LAPTM4B: variants seen among roughly 807,000 people sequenced by gnomAD.
The protein encoded by LAPTM4B is lysosomal-associated transmembrane protein 4B.
LAPTM4B carries 26 observed loss-of-function variants against 28.5 expected under a neutral mutation model. That is an observed-to-expected ratio of 0.91 (90% CI 0.67 to 1.27). The LOEUF is 1.27. Among genes scored for constraint, LAPTM4B ranks in the 50% most tolerant of loss-of-function variants. LAPTM4B has a pLI of 0.00. For synonymous variants in LAPTM4B, 109 were observed against 106.4 expected (o/e 1.02, Z -0.15); for missense variants, 288 against 285.8 (o/e 1.01, Z -0.06).
At chr8:97,783,004 C>G (rs1276353782) in intron 1 of LAPTM4B, among the ~76,000 whole-genome samples, 2 of 149,376 alleles carry the variant, frequency 1.3e-5, no homozygotes, top group African/African-American at 4.9e-5. Context: ...AACTCCCGAC[C>G]TCAGGTGATC....
At chr8:97,838,594 C>T (rs1341024995) in intron 6 of LAPTM4B, among the ~76,000 whole-genome samples, 1 of 152,196 alleles carries the variant, frequency 6.6e-6, no homozygotes, top group African/African-American at 2.4e-5. Context: ...GGACTACAAC[C>T]TGATCAGCCT....
At chr8:97,794,005 A>C (rs1816544514) in intron 1 of LAPTM4B, among the ~76,000 whole-genome samples, 1 of 151,908 alleles carries the variant, frequency 6.6e-6, no homozygotes, top group Non-Finnish European at 1.5e-5. Flanking sequence ...TTTTTGACAG[A>C]ATCTTGCTCT....
intron 5 of LAPTM4B, 123 bp downstream of exon 5, chr8:97,819,361 C>A: frequency 1.6e-6 from 1 of 609,518 alleles, no homozygotes; most frequent in South Asian, 2.2e-5. Context: ...TTTTTGATTT[C>A]CTAAGATTAC....
At chr8:97,790,864 C>T (rs932290929) in intron 1 of LAPTM4B, among the ~76,000 whole-genome samples, 2 of 152,130 alleles carry the variant, frequency 1.3e-5, no homozygotes, top group African/African-American at 4.8e-5. Context: ...CTCAACTTCC[C>T]GAGTAGCTGG....
intron 2 of LAPTM4B, among the ~76,000 whole-genome samples, chr8:97,814,484 A>T (rs1042352550): frequency 6.6e-6 from 1 of 152,022 alleles, no homozygotes; most frequent in Non-Finnish European, 1.5e-5. Flanking sequence ...ATGTTGTCCC[A>T]CTGCATTCCA....
chr8:97,801,880 G>A (rs1416784127), intron 1 of LAPTM4B, among the ~76,000 whole-genome samples: 1 of 149,058 alleles, frequency 6.7e-6, no homozygotes, highest in Non-Finnish European at 1.5e-5. Context: ...GGATTGAAAT[G>A]CCAAGAAAAC....
chr8:97,779,221 T>C lies in LAPTM4B; in HGVS notation c.99+3113T>C, dbSNP rs973527944. Among the ~76,000 whole-genome samples, 65 of 152,074 alleles carry C rather than the reference T, an allele frequency of 4.3e-4. 1 individual carries two copies. The highest frequency in any genetic ancestry group is 1.5e-3 in the African/African-American group (64 of 41,480). ...AGAGGCCAAGTGCGGTGGCTCACGC[T>C]TGTAATCCCAGCATTTTGGGAGGCT... On this transcript the variant is annotated intron_variant, in intron 1 of 6. Coordinates refer to ENST00000521545, the MANE Select transcript of LAPTM4B (RefSeq NM_018407.6).
At chr8:97,849,794 C>A (rs112323445) in intron 6 of LAPTM4B, among the ~76,000 whole-genome samples, 109 of 151,832 alleles carry the variant, frequency 7.2e-4, no homozygotes, top group Non-Finnish European at 1.3e-3. Context: ...AAGCCGCCAC[C>A]CCCCCTCCTC....
chr8:97,782,626 C>A (rs542480065), intron 1 of LAPTM4B, among the ~76,000 whole-genome samples: 1 of 151,438 alleles, frequency 6.6e-6, no homozygotes, highest in African/African-American at 2.4e-5. Context: ...TTGGTAGAGA[C>A]GGGGTTTCAC....
Position 97,815,385 on chromosome 8 carries a change from CT to C in LAPTM4B, c.271del (p.Tyr91ThrfsTer24), listed in dbSNP as rs1378824173. The C allele has an allele frequency of 2.5e-6, 4 of 1,613,298 alleles. No homozygotes were observed. Among genetic ancestry groups the C allele is most frequent in the Admixed American group, 3.3e-5 (2 of 59,984 alleles). ...ATGATCCTGATATGTGCTATGGCTA[CT>C]TACGGAGCGTACAAGGTAAGCCGCT... ...LLMILICAMA[T>X]YGAYKQRAAW... On this transcript the variant is annotated frameshift_variant, in exon 3 of 7. Coordinates refer to ENST00000521545, the MANE Select transcript of LAPTM4B (RefSeq NM_018407.6). LOFTEE classifies it high-confidence loss of function.
At chr8:97,829,497 G>A (rs971005357) in intron 6 of LAPTM4B, among the ~76,000 whole-genome samples, 4 of 152,078 alleles carry the variant, frequency 2.6e-5, no homozygotes, top group South Asian at 2.1e-4. Context: ...GTTACCTAAG[G>A]GAATTCCAGT....
At chr8:97,836,268 C>T (rs183793466) in intron 6 of LAPTM4B, among the ~76,000 whole-genome samples, 1 of 152,336 alleles carries the variant, frequency 6.6e-6, no homozygotes, top group Non-Finnish European at 1.5e-5. Flanking sequence ...GCAACCTCCA[C>T]CCCCTGGGTT....
intron 1 of LAPTM4B, among the ~76,000 whole-genome samples, chr8:97,793,590 T>G (rs1816538286): frequency 6.6e-6 from 1 of 152,208 alleles, no homozygotes; most frequent in Non-Finnish European, 1.5e-5. Context: ...GAATGCTGTT[T>G]TGTAGGATTT....
At chr8:97,796,033 G>A (rs536110810) in intron 1 of LAPTM4B, among the ~76,000 whole-genome samples, 8 of 112,260 alleles carry the variant, frequency 7.1e-5, no homozygotes, top group East Asian at 2.2e-4. Context: ...TCAACCTCCC[G>A]GGCTCAAGCG....
At chr8:97,808,810 A>C (rs1816789596) in intron 2 of LAPTM4B, among the ~76,000 whole-genome samples, 1 of 151,904 alleles carries the variant, frequency 6.6e-6, no homozygotes, top group Admixed American at 6.6e-5. Context: ...AATACAAAAA[A>C]AGTAGCCAGG....
intron 6 of LAPTM4B, among the ~76,000 whole-genome samples, chr8:97,850,215 C>T (rs946135357): frequency 7.2e-5 from 11 of 152,008 alleles, no homozygotes; most frequent in African/African-American, 1.7e-4. Context: ...ATTCACATCA[C>T]TGTGTGGCTT....
intron 1 of LAPTM4B, among the ~76,000 whole-genome samples, chr8:97,786,408 T>TA (rs34540509): frequency 6.8e-5 from 10 of 147,886 alleles, no homozygotes; most frequent in Non-Finnish European, 8.9e-5. Flanking sequence ...ACATTGAACT[T>TA]AAAAAAAAAA....
intron 1 of LAPTM4B, among the ~76,000 whole-genome samples, chr8:97,803,231 T>C (rs938351746): frequency 2.6e-5 from 4 of 151,534 alleles, no homozygotes; most frequent in Admixed American, 2.6e-4. Flanking sequence ...CTTCGAATCC[T>C]ACAATAATCC....
At chr8:97,799,778 C>T (rs1586325930) in intron 1 of LAPTM4B, among the ~76,000 whole-genome samples, 1 of 152,192 alleles carries the variant, frequency 6.6e-6, no homozygotes, top group Non-Finnish European at 1.5e-5. Context: ...GAGGCCTCTT[C>T]ACCACCTGGC....
Sources: gnomAD v4.1 joint callset for allele counts (sites outside exome capture counted in the v4.1 genomes callset) on GRCh38, gnomAD v4.1.1 for gene constraint, MANE v1.5 for transcripts, NCBI Gene and HGNC (gene_info 2026-07-23, HGNC 2026-07-21) for gene names.